The following GPNMB variants were observed in gnomAD, a reference collection of about 807,000 sequenced individuals.
GPNMB encodes transmembrane glycoprotein NMB.
A neutral mutation model predicts 57.3 loss-of-function variants in GPNMB; 71 were observed. The observed-to-expected ratio is 1.24, with a 90% CI of 1.02 to 1.51. The LOEUF (loss-of-function observed/expected upper bound fraction) is 1.51. Among genes scored for constraint, GPNMB ranks in the 40% most tolerant of loss-of-function variants. The pLI, the probability that GPNMB is intolerant of heterozygous loss-of-function variation, is 0.00. For missense variants in GPNMB, 677 were observed against 691.9 expected (o/e 0.98, Z 0.24); for synonymous variants, 253 against 263.2 (o/e 0.96, Z 0.38).
At chr7:23,265,425 A>T (rs1188832914) in intron 6 of GPNMB, among the ~76,000 whole-genome samples, 1 of 152,208 alleles carries the variant, frequency 6.6e-6, no homozygotes, top group Non-Finnish European at 1.5e-5. Context: ...ATCTTGCTAA[A>T]GGAGCAGCGA....
At chr7:23,258,915 A>T (rs188032871) in intron 4 of GPNMB, among the ~76,000 whole-genome samples, 5 of 152,370 alleles carry the variant, frequency 3.3e-5, no homozygotes, top group African/African-American at 1.2e-4. Context: ...GCAACCTAAG[A>T]TACCCAGTCA....
At chr7:23,266,382 T>C (rs1020773181) in intron 6 of GPNMB, 135 bp from the exon 7 acceptor site, 2 of 771,136 alleles carry the variant, frequency 2.6e-6, no homozygotes, top group Admixed American at 2.8e-5. Flanking sequence ...CAAATTTCTA[T>C]AGCAATTTCA....
At chr7:23,247,215 TG>T in intron 1 of GPNMB, 1 of 425,778 alleles carries the variant, frequency 2.3e-6, no homozygotes, top group Non-Finnish European at 4.4e-6. Flanking sequence ...AGACAGTGGT[TG>T]GGGGAGGGTT....
intron 6 of GPNMB, among the ~76,000 whole-genome samples, chr7:23,264,458 TG>T (rs1355204016): frequency 2.0e-5 from 3 of 152,166 alleles, no homozygotes; most frequent in Non-Finnish European, 4.4e-5. Context: ...CTGCAACCTC[TG>T]CCTTCTGGGT....
At chr7:23,271,534 G>A (rs950775304) in intron 9 of GPNMB, among the ~76,000 whole-genome samples, 1 of 152,176 alleles carries the variant, frequency 6.6e-6, no homozygotes. Flanking sequence ...GGTGGCTCAC[G>A]CCTGTAATCC....
At chr7:23,251,668 T>A (rs1457494488) in intron 1 of GPNMB, among the ~76,000 whole-genome samples, 6 of 152,218 alleles carry the variant, frequency 3.9e-5, no homozygotes, top group African/African-American at 1.4e-4. Flanking sequence ...ATCATTACAC[T>A]ACCATCTCCA....
At chr7:23,263,378 G>A (rs1782976330) in intron 6 of GPNMB, among the ~76,000 whole-genome samples, 1 of 152,200 alleles carries the variant, frequency 6.6e-6, no homozygotes, top group South Asian at 2.1e-4. Flanking sequence ...TTGGGAGGCC[G>A]AGGCAGGTGG....
rs778549858 is a variant in GPNMB at position 23,260,077 on chromosome 7, C to G, written c.639C>G (p.Tyr213Ter). 1 of 1,614,010 alleles carries G rather than the reference C, an allele frequency of 6.2e-7. No individual in the cohort carries two copies. Among genetic ancestry groups the G allele is most frequent in the South Asian group, 1.1e-5 (1 of 91,068 alleles). ...CTCAACTCATGGAAGTGACTGTCTA[C>G]AGAAGACATGGACGGGCATATGTTC... ...LGPQLMEVTV[Y>*]RRHGRAYVPI... Residue 213 changes from tyrosine (Y) to a stop codon, truncating the protein, a stop_gained, in exon 5 of 11, where the codon TAC (tyrosine) becomes TAG (stop). Transcript: ENST00000258733. LOFTEE classifies it high-confidence loss of function.
rs1423314554 is a variant in GPNMB, at chr7:23,273,564, C to T, written c.1473C>T (p.Ser491=). 1 of 1,613,978 alleles carries T rather than the reference C, an allele frequency of 6.2e-7. No individual in the cohort carries two copies. The highest frequency in any genetic ancestry group is 1.1e-5 in the South Asian group (1 of 91,078). The change falls in exon 10 of 11, where the codon TCC becomes TCT. Residue 491 remains serine, a synonymous_variant. Transcript: ENST00000258733. ...PLRMANSALI[S]VGCLAIFVTV... is the part of the protein sequence containing the mutation. ...GGATGGCAAACAGTGCCCTGATCTCCGTTGGCTGCTTGGCCATATTTGTCA... is the reference window on the plus strand; with the variant it reads ...GGATGGCAAACAGTGCCCTGATCTCTGTTGGCTGCTTGGCCATATTTGTCA...
At chr7:23,268,453 C>T (rs182121599) in intron 8 of GPNMB, among the ~76,000 whole-genome samples, 168 of 152,238 alleles carry the variant, frequency 1.1e-3, no homozygotes, top group African/African-American at 3.8e-3. Context: ...TTAATAGCAA[C>T]GCCTGATAAT....
At chr7:23,261,020 C>T (rs939977917) in intron 6 of GPNMB, among the ~76,000 whole-genome samples, 1 of 151,910 alleles carries the variant, frequency 6.6e-6, no homozygotes, top group African/African-American at 2.4e-5. Flanking sequence ...GTTCTTTGAC[C>T]CTCCTCATTT....
intron 4 of GPNMB, 95 bp from the exon 5 acceptor site, chr7:23,259,885 C>T (rs1396412616): frequency 8.7e-6 from 10 of 1,154,248 alleles, no homozygotes; most frequent in South Asian, 6.9e-5. Flanking sequence ...CTCCTCAGAG[C>T]AATCTATAAA....
intron 3 of GPNMB, among the ~76,000 whole-genome samples, chr7:23,254,588 C>G (rs1008661353): frequency 1.3e-5 from 2 of 152,198 alleles, no homozygotes; most frequent in Non-Finnish European, 2.9e-5. Context: ...GTCCAGTTGA[C>G]TGGACAGAGA....
At chr7:23,262,098 A>T (rs932195593) in intron 6 of GPNMB, among the ~76,000 whole-genome samples, 2 of 150,876 alleles carry the variant, frequency 1.3e-5, no homozygotes, top group Non-Finnish European at 2.9e-5. Context: ...TGTTTTTACA[A>T]AATCCTGTTT....
In GPNMB at chr7:23,274,457, A is replaced by G; in HGVS notation, c.*233A>G. 2.6e-6 allele frequency: 1 copy of G among 392,120 alleles called. No individual in the cohort carries two copies. Among genetic ancestry groups the G allele is most frequent in the Non-Finnish European group, 4.5e-6 (1 of 220,048 alleles). 24.3% of individuals were successfully genotyped at this position (392,120 alleles called of 1,614,324 possible). A position where few individuals can be genotyped will look rare whatever the true frequency, so the allele number is the denominator to read the frequency against. On this transcript the variant is annotated 3_prime_UTR_variant, in exon 11 of 11. Coordinates refer to ENST00000258733, the MANE Select transcript of GPNMB (RefSeq NM_002510.3). Reference sequence around the variant, plus strand: ...AAGCAACTTAGCAAGGCTTCTTTTCATTATTTTTTATGTTTCACTTATAAA... The same window carrying G: ...AAGCAACTTAGCAAGGCTTCTTTTCGTTATTTTTTATGTTTCACTTATAAA...
chr7:23,269,931 T>C (rs780562605), intron 8 of GPNMB, 36 bp from the exon 9 acceptor site: 4 of 1,447,414 alleles, frequency 2.8e-6, no homozygotes, highest in Non-Finnish European at 3.9e-6. Flanking sequence ...CCCTTCTCTG[T>C]GCCCTGTGCG....
intron 1 of GPNMB, among the ~76,000 whole-genome samples, chr7:23,253,041 T>C (rs1006603792): frequency 6.6e-6 from 1 of 152,212 alleles, no homozygotes; most frequent in African/African-American, 2.4e-5. Context: ...AGGATGTGTA[T>C]TGAGAAGCCA....
At chr7:23,262,392 TA>T (rs1246050788) in intron 6 of GPNMB, among the ~76,000 whole-genome samples, 11 of 152,162 alleles carry the variant, frequency 7.2e-5, no homozygotes, top group African/African-American at 2.4e-4. Context: ...TTTATAAACA[TA>T]TACTATATAT....
intron 3 of GPNMB, among the ~76,000 whole-genome samples, chr7:23,255,678 T>C (rs766812411): frequency 2.6e-5 from 4 of 152,094 alleles, no homozygotes; most frequent in Non-Finnish European, 5.9e-5. Context: ...AACAGTGATA[T>C]ACTGTTGGTG....
Sources: gnomAD v4.1 joint callset for allele counts (sites outside exome capture counted in the v4.1 genomes callset) on GRCh38, gnomAD v4.1.1 for gene constraint, MANE v1.5 for transcripts, NCBI Gene and HGNC (gene_info 2026-07-23, HGNC 2026-07-21) for gene names.